Variants in PTPRD observed in about 807,000 individuals in gnomAD.
The protein encoded by PTPRD is protein tyrosine phosphatase receptor type D.
Under a neutral mutation model 214.5 loss-of-function variants are expected in PTPRD, and 34 were observed. The ratio of observed to expected loss-of-function variants is 0.16; its 90% CI spans 0.12 to 0.21. The LOEUF (loss-of-function observed/expected upper bound fraction) is 0.21, where lower values mean the gene tolerates loss of function less well. Ranked by LOEUF, PTPRD falls within the 10% of genes least tolerant of loss-of-function variation. PTPRD has a pLI of 1.00. For missense variants in PTPRD, 2,545 were observed against 2,398.7 expected (o/e 1.06, Z -1.27); for synonymous variants, 1,128 against 845.7 (o/e 1.33, Z -5.79).
In PTPRD at chr9:10,516,205, G is replaced by A. The variant is rs904033450; in HGVS notation, c.-600+96193C>T. 7.3e-4 allele frequency among the ~76,000 whole-genome samples: 111 copies of A among 151,584 alleles called. 8 individuals are homozygous for A. ...ATATTCCTACTAACAGCGTTCAAGG[G>A]TTCCAATTTTTCTATATCCTGATCA... On this transcript the variant is annotated intron_variant, in intron 2 of 45. Transcript: ENST00000381196.
intron 3 of PTPRD, among the ~76,000 whole-genome samples, chr9:10,284,973 T>G (rs1481703313): frequency 6.6e-6 from 1 of 152,220 alleles, no homozygotes; most frequent in East Asian, 1.9e-4. Context: ...CACTTCATTT[T>G]GGACACTATT....
At chr9:8,811,848 G>C (rs1324813355) in intron 11 of PTPRD, among the ~76,000 whole-genome samples, 1 of 152,150 alleles carries the variant, frequency 6.6e-6, no homozygotes, top group African/African-American at 2.4e-5. Flanking sequence ...CACTCTTCTT[G>C]ATATTTCCAC....
intron 4 of PTPRD, among the ~76,000 whole-genome samples, chr9:9,949,189 C>A (rs2093164423): frequency 6.6e-6 from 1 of 152,040 alleles, no homozygotes; most frequent in Non-Finnish European, 1.5e-5. Flanking sequence ...AAAAGTGTTT[C>A]ATTAATGTTT....
At chr9:9,407,296 CTAATA>C (rs768542300) in intron 8 of PTPRD, among the ~76,000 whole-genome samples, 34 of 151,524 alleles carry the variant, frequency 2.2e-4, no homozygotes, top group Non-Finnish European at 3.8e-4. Context: ...GTGTAGAATT[CTAATA>C]TATGAATATA....
At chr9:9,468,815 G>GTAA (rs2094399042) in intron 8 of PTPRD, among the ~76,000 whole-genome samples, 1 of 151,944 alleles carries the variant, frequency 6.6e-6, no homozygotes, top group South Asian at 2.1e-4. Flanking sequence ...AGTCATTTAC[G>GTAA]TAATGCCAGG....
chr9:9,566,403 G>A (rs754964176), intron 8 of PTPRD, among the ~76,000 whole-genome samples: 3 of 151,964 alleles, frequency 2.0e-5, no homozygotes, highest in Admixed American at 6.6e-5. Context: ...CAATGGTGTT[G>A]TGGTCAAAAA....
At position 9,333,527 on chromosome 9, in the gene PTPRD, A is replaced by ATATATATATATATATATATATAT. The variant is rs1569567453; in HGVS notation, c.-203+63921_-203+63922insATATATATATATATATATATATA. On this transcript the variant is annotated intron_variant, in intron 9 of 45. Coordinates refer to ENST00000381196, the MANE Select transcript of PTPRD (RefSeq NM_002839.4). Reference sequence around the variant, plus strand: ...TATTATATATATATATATATATATAAAGTCTGCAATGCAATCACAAGTGGC... The same window carrying ATATATATATATATATATATATAT: ...TATTATATATATATATATATATATAATATATATATATATATATATATATAGTCTGCAATGCAATCACAAGTGGC... Among the ~76,000 whole-genome samples, 48 of 124,060 alleles carry ATATATATATATATATATATATAT rather than the reference A, an allele frequency of 3.9e-4. 1 individual carries two copies. The highest frequency in any genetic ancestry group is 2.0e-3 in the African/African-American group (41 of 20,824). The allele number at this position is 124,060 out of a possible 152,430, so 81.4% of individuals were successfully genotyped here.
chr9:9,979,062 G>T (rs2095455115), intron 4 of PTPRD, among the ~76,000 whole-genome samples: 1 of 151,810 alleles, frequency 6.6e-6, no homozygotes, highest in Admixed American at 6.6e-5. Context: ...TTTAAATAAG[G>T]ATAAAATAGT....
At chr9:8,321,485 G>GTATATA (rs1486135985) in intron 44 of PTPRD, among the ~76,000 whole-genome samples, 54 of 45,362 alleles carry the variant, frequency 1.2e-3, no homozygotes, top group African/African-American at 1.8e-3. Context: ...GTGTGTGTGT[G>GTATATA]TGTATATATA....
intron 5 of PTPRD, among the ~76,000 whole-genome samples, chr9:9,792,505 C>T (rs1420234783): frequency 6.6e-6 from 1 of 152,152 alleles, no homozygotes; most frequent in Non-Finnish European, 1.5e-5. Flanking sequence ...ATTTACCCCA[C>T]TGGCATTCTT....
intron 3 of PTPRD, among the ~76,000 whole-genome samples, chr9:10,337,412 T>A (rs1279490633): frequency 6.6e-6 from 1 of 151,726 alleles, no homozygotes; most frequent in East Asian, 1.9e-4. Flanking sequence ...ATCATATCTA[T>A]CTCTCCACTT....
intron 10 of PTPRD, among the ~76,000 whole-genome samples, chr9:9,122,808 A>G (rs997487158): frequency 2.0e-5 from 3 of 152,052 alleles, no homozygotes; most frequent in African/African-American, 7.3e-5. Context: ...GGTATGAACA[A>G]TTCTGGGAAA....
chr9:10,535,567 T>C (rs1261516481), intron 2 of PTPRD, among the ~76,000 whole-genome samples: 1 of 152,020 alleles, frequency 6.6e-6, no homozygotes, highest in Non-Finnish European at 1.5e-5. Context: ...TAAAATGAAA[T>C]AATCAAGTCA....
intron 4 of PTPRD, among the ~76,000 whole-genome samples, chr9:10,015,677 T>C (rs1186064143): frequency 6.6e-6 from 1 of 151,958 alleles, no homozygotes; most frequent in Non-Finnish European, 1.5e-5. Flanking sequence ...GATATATTAC[T>C]AAAAGAAAAA....
intron 36 of PTPRD, among the ~76,000 whole-genome samples, chr9:8,390,980 A>G (rs544719970): frequency 6.6e-6 from 1 of 152,166 alleles, no homozygotes; most frequent in Non-Finnish European, 1.5e-5. Context: ...TCAGAATCAA[A>G]AAGGGAGTTA....
intron 9 of PTPRD, among the ~76,000 whole-genome samples, chr9:9,270,896 G>C (rs564879983): frequency 2.0e-5 from 3 of 151,360 alleles, no homozygotes; most frequent in Non-Finnish European, 3.0e-5. Flanking sequence ...TGTAGGGATA[G>C]GAGGAATCAA....
chr9:10,372,717 A>G (rs2097651183), intron 2 of PTPRD, among the ~76,000 whole-genome samples: 1 of 152,094 alleles, frequency 6.6e-6, no homozygotes, highest in African/African-American at 2.4e-5. Context: ...TCGCTTCATG[A>G]GTTTGCAATT....
In PTPRD at chr9:9,152,488, G is replaced by T. The variant is rs538252010; in HGVS notation, c.-143+30816C>A. Among the ~76,000 whole-genome samples the T allele has an allele frequency of 7.9e-5, 12 of 152,232 alleles. No homozygotes were observed. In the South Asian group the frequency reaches 2.1e-3, roughly 26 times the overall value. ...ACACACAGGTTAAAGCAGACTGTAG[G>T]ATCCTAATAGTAATAACTATACAAG... On this transcript the variant is annotated intron_variant, in intron 10 of 45. Transcript: ENST00000381196.
chr9:8,463,664 A>T (rs1018748042), intron 32 of PTPRD, among the ~76,000 whole-genome samples: 1 of 152,018 alleles, frequency 6.6e-6, no homozygotes, highest in African/African-American at 2.4e-5. Context: ...CCTAATGAAA[A>T]ATATAATTTC....
Sources: allele counts gnomAD v4.1 joint callset (sites outside exome capture counted in the v4.1 genomes callset), GRCh38; gene constraint gnomAD v4.1.1; transcripts MANE v1.5; gene names NCBI Gene and HGNC (gene_info 2026-07-23, HGNC 2026-07-21).